Variants in ROBO1 observed in about 807,000 individuals in gnomAD.
ROBO1 encodes the protein roundabout guidance receptor 1, also known as roundabout homolog 1.
Under a neutral mutation model 195.9 loss-of-function variants are expected in ROBO1, and 149 were observed. The ratio of observed to expected loss-of-function variants is 0.76; its 90% CI spans 0.67 to 0.87. The LOEUF (loss-of-function observed/expected upper bound fraction) is 0.87. Ranked by LOEUF, ROBO1 falls within the 40% of genes least tolerant of loss-of-function variation. The pLI is 0.00. For synonymous variants in ROBO1, 816 were observed against 733.2 expected, an observed-to-expected ratio of 1.11 and a Z score of -1.82; for missense variants, 1,933 against 2,068.3, an observed-to-expected ratio of 0.93 and a Z score of 1.27.
intron 3 of ROBO1, among the ~76,000 whole-genome samples, chr3:79,096,549 C>T (rs1236021244): frequency 2.6e-5 from 4 of 151,580 alleles, no homozygotes; most frequent in Non-Finnish European, 5.9e-5. Flanking sequence ...ACTCTCATTT[C>T]AGGCAAACTG....
chr3:78,635,161 T>C (rs1705418027), intron 23 of ROBO1, among the ~76,000 whole-genome samples: 1 of 152,178 alleles, frequency 6.6e-6, no homozygotes, highest in Non-Finnish European at 1.5e-5. Flanking sequence ...GGCCACAGAA[T>C]ACTATTCTGC....
intron 10 of ROBO1, among the ~76,000 whole-genome samples, chr3:78,676,905 A>C (rs1041593353): frequency 5.3e-5 from 8 of 152,196 alleles, no homozygotes; most frequent in Non-Finnish European, 7.3e-5. Context: ...GAAGGAAAAA[A>C]TGTTAAGGGC....
intron 1 of ROBO1, among the ~76,000 whole-genome samples, chr3:79,607,310 A>G (rs1359882581): frequency 2.6e-5 from 4 of 151,338 alleles, no homozygotes; most frequent in African/African-American, 7.3e-5. Flanking sequence ...TATAAATATT[A>G]TTTTTATAGT....
chr3:79,020,569 G>A (rs2078078935), intron 3 of ROBO1, among the ~76,000 whole-genome samples: 1 of 152,174 alleles, frequency 6.6e-6, no homozygotes, highest in South Asian at 2.1e-4. Context: ...GCGTTCGCCT[G>A]TAGCCCCAGC....
chr3:79,137,642 C>G (rs1239621908), intron 2 of ROBO1, among the ~76,000 whole-genome samples: 1 of 152,002 alleles, frequency 6.6e-6, no homozygotes, highest in Admixed American at 6.6e-5. Flanking sequence ...CATCATGATT[C>G]TCATCAGTAT....
intron 2 of ROBO1, among the ~76,000 whole-genome samples, chr3:79,531,806 T>C (rs926813403): frequency 1.3e-5 from 2 of 152,106 alleles, no homozygotes; most frequent in Non-Finnish European, 2.9e-5. Flanking sequence ...GATGACACAT[T>C]GCTTAAGGAA....
intron 4 of ROBO1, among the ~76,000 whole-genome samples, chr3:78,850,314 G>T (rs1184148695): frequency 6.6e-6 from 1 of 152,074 alleles, no homozygotes; most frequent in African/African-American, 2.4e-5. Context: ...GCTAAATAAG[G>T]ACAATAATTT....
intron 1 of ROBO1, among the ~76,000 whole-genome samples, chr3:79,617,035 A>G (rs950827076): frequency 7.9e-5 from 12 of 152,134 alleles, no homozygotes; most frequent in Non-Finnish European, 1.5e-4. Context: ...ATAAAGCACA[A>G]TGTCTTTTTG....
intron 2 of ROBO1, among the ~76,000 whole-genome samples, chr3:79,535,177 A>G (rs1575984283): frequency 6.6e-6 from 1 of 152,170 alleles, no homozygotes; most frequent in African/African-American, 2.4e-5. Flanking sequence ...CCTTTCAGCA[A>G]CAAATCTTCT....
intron 1 of ROBO1, among the ~76,000 whole-genome samples, chr3:79,605,992 G>GTATA (rs141950454): frequency 5.4e-4 from 79 of 145,218 alleles, no homozygotes; most frequent in African/African-American, 1.5e-3. Flanking sequence ...ATGTGTGTGT[G>GTATA]TATATATATA....
At chr3:79,019,220 G>A in intron 3 of ROBO1, 1 of 986,156 alleles carries the variant, frequency 1.0e-6, no homozygotes, top group Non-Finnish European at 1.2e-6. Flanking sequence ...CGCCCTCTGG[G>A]GCGCTCGCAG....
chr3:79,127,132 T>A (rs1443109745), intron 2 of ROBO1, among the ~76,000 whole-genome samples: 1 of 152,154 alleles, frequency 6.6e-6, no homozygotes, highest in Non-Finnish European at 1.5e-5. Context: ...ATGCTGCAAG[T>A]GATAAGGCAG....
chr3:79,120,764 G>A (rs973165749), intron 3 of ROBO1, among the ~76,000 whole-genome samples: 18 of 152,052 alleles, frequency 1.2e-4, no homozygotes, highest in African/African-American at 4.3e-4. Flanking sequence ...ATAATCAATT[G>A]TATACAGAAA....
chr3:79,573,391 C>G (rs1033710653), intron 2 of ROBO1, among the ~76,000 whole-genome samples: 2 of 151,878 alleles, frequency 1.3e-5, no homozygotes, highest in African/African-American at 4.8e-5. Flanking sequence ...ATAGTGAGTG[C>G]TCAATAAATG....
chr3:78,733,943 A>C (rs2082337593), intron 5 of ROBO1, among the ~76,000 whole-genome samples: 1 of 152,154 alleles, frequency 6.6e-6, no homozygotes, highest in African/African-American at 2.4e-5. Flanking sequence ...CCTAATCCAA[A>C]ATTCCTATTG....
At chr3:79,478,254 G>C (rs369675462) in intron 2 of ROBO1, among the ~76,000 whole-genome samples, 39 of 152,092 alleles carry the variant, frequency 2.6e-4, no homozygotes, top group African/African-American at 8.9e-4. Flanking sequence ...TGGAGTATTA[G>C]AGAAATGCCT....
chr3:78,781,320 T>C (rs1435825729), intron 4 of ROBO1, among the ~76,000 whole-genome samples: 1 of 152,206 alleles, frequency 6.6e-6, no homozygotes, highest in East Asian at 1.9e-4. Context: ...TTAAATTAGA[T>C]GCTAGCCAAC....
intron 2 of ROBO1, among the ~76,000 whole-genome samples, chr3:79,516,105 G>GA (rs141596038): frequency 2.0e-5 from 3 of 149,746 alleles, no homozygotes; most frequent in African/African-American, 2.5e-5. Context: ...TGCATATGAA[G>GA]AAAAAAAAAG....
chr3:78,672,532 C>CAGTGGTGG (rs1708123478), intron 10 of ROBO1, among the ~76,000 whole-genome samples: 1 of 144,532 alleles, frequency 6.9e-6, no homozygotes, highest in South Asian at 2.1e-4. Context: ...GTTAGGTCTG[C>CAGTGGTGG]AGTGGTGGAC....
Sources: gnomAD v4.1 joint callset for allele counts (sites outside exome capture counted in the v4.1 genomes callset) on GRCh38, gnomAD v4.1.1 for gene constraint, MANE v1.5 for transcripts, NCBI Gene and HGNC (gene_info 2026-07-23, HGNC 2026-07-21) for gene names.